Variants in SEMA3E observed in about 807,000 individuals in gnomAD.
The protein encoded by SEMA3E is semaphorin-3E.
SEMA3E carries 49 observed loss-of-function variants against 93.6 expected under a neutral mutation model. The observed-to-expected ratio is 0.52, with a 90% CI of 0.42 to 0.66. The LOEUF is 0.66. Among genes scored for constraint, SEMA3E ranks in the 30% least tolerant of loss-of-function variants. The pLI is 0.00. For missense variants in SEMA3E, 906 were observed against 964.8 expected, an observed-to-expected ratio of 0.94 and a Z score of 0.81; for synonymous variants, 363 against 330.7, an observed-to-expected ratio of 1.10 and a Z score of -1.06.
At chr7:83,431,883 A>C (rs559091441) in intron 4 of SEMA3E, among the ~76,000 whole-genome samples, 299 of 152,182 alleles carry the variant, frequency 2.0e-3, no homozygotes, top group African/African-American at 6.9e-3. Context: ...CTATAACAAC[A>C]AGGTCTTTTA....
At chr7:83,487,058 A>T (rs1303216169) in intron 2 of SEMA3E, among the ~76,000 whole-genome samples, 2 of 152,016 alleles carry the variant, frequency 1.3e-5, no homozygotes, top group African/African-American at 4.8e-5. Flanking sequence ...CGGGTCTCCT[A>T]CCCTTATATA....
chr7:83,458,286 T>C (rs143409683), intron 4 of SEMA3E, among the ~76,000 whole-genome samples: 213 of 151,720 alleles, frequency 1.4e-3, no homozygotes, highest in African/African-American at 5.0e-3. Flanking sequence ...CTAATGATAA[T>C]GCATCTTACA....
chr7:83,471,137 T>G (rs2713185), intron 2 of SEMA3E, among the ~76,000 whole-genome samples: 103,254 of 151,628 alleles, frequency 0.68, 36,805 homozygotes, highest in Non-Finnish European at 0.79. Flanking sequence ...AAGATGCTAT[T>G]TGTTAAGAGG....
intron 2 of SEMA3E, among the ~76,000 whole-genome samples, chr7:83,481,361 A>T (rs1790142332): frequency 6.6e-6 from 1 of 152,120 alleles, no homozygotes; most frequent in South Asian, 2.1e-4. Flanking sequence ...TAGAGAAAGC[A>T]AAATAAATAA....
At chr7:83,444,393 G>A (rs1789182002) in intron 4 of SEMA3E, among the ~76,000 whole-genome samples, 1 of 152,142 alleles carries the variant, frequency 6.6e-6, no homozygotes, top group East Asian at 1.9e-4. Flanking sequence ...CAACCTGAAT[G>A]TGTAGAGTTT....
At chr7:83,510,719 T>A (rs1279456222) in intron 1 of SEMA3E, among the ~76,000 whole-genome samples, 2 of 152,212 alleles carry the variant, frequency 1.3e-5, no homozygotes, top group African/African-American at 4.8e-5. Flanking sequence ...ACTCTATTTA[T>A]TAAAACCACA....
intron 1 of SEMA3E, among the ~76,000 whole-genome samples, chr7:83,524,898 G>A (rs941243534): frequency 6.6e-6 from 1 of 151,800 alleles, no homozygotes; most frequent in African/African-American, 2.4e-5. Context: ...CTCTGTTGGT[G>A]CAGCTCTCAT....
chr7:83,522,666 G>A (rs1791072626), intron 1 of SEMA3E, among the ~76,000 whole-genome samples: 1 of 152,062 alleles, frequency 6.6e-6, no homozygotes. Context: ...CAGCATGTGA[G>A]ATAAGATCCA....
intron 9 of SEMA3E, among the ~76,000 whole-genome samples, chr7:83,403,820 A>G (rs1304007767): frequency 6.6e-6 from 1 of 151,896 alleles, no homozygotes; most frequent in African/African-American, 2.4e-5. Context: ...ATAGTCTCCT[A>G]ACTAAAGTGG....
chr7:83,494,507 T>G (rs768158600), intron 1 of SEMA3E, among the ~76,000 whole-genome samples: 1 of 151,806 alleles, frequency 6.6e-6, no homozygotes, highest in Non-Finnish European at 1.5e-5. Context: ...AAAAGTCACT[T>G]TATGGCCTTA....
At chr7:83,540,876 T>C (rs951742793) in intron 1 of SEMA3E, among the ~76,000 whole-genome samples, 9 of 152,226 alleles carry the variant, frequency 5.9e-5, no homozygotes, top group African/African-American at 2.2e-4. Flanking sequence ...AATGACTTTG[T>C]TTTTATGTAG....
chr7:83,385,493 T>G (rs1787860043), intron 15 of SEMA3E, 60 bp from the exon 16 acceptor site: 4 of 1,531,404 alleles, frequency 2.6e-6, no homozygotes, highest in Non-Finnish European at 3.6e-6. Context: ...AATAAATTTT[T>G]CAAACATTAT....
chr7:83,400,111 T>A lies in SEMA3E; in HGVS notation c.1283A>T (p.Asp428Val). The change falls in exon 11 of 17, where the codon GAT becomes GTT. Residue 428 changes from aspartate to valine, a missense_variant. Physicochemically the swap from Asp to Val is radical, Grantham distance 152. Coordinates refer to ENST00000643230, the MANE Select transcript of SEMA3E (RefSeq NM_012431.3). ...TATTTGTTTCAGGTTATATTTTCCA[T>A]CTGTTTTTACCAATATTGGTTTTTT... ...AHKKPILVKT[D>V]GKYNLKQIAV... The A allele has an allele frequency of 1.9e-6, 3 of 1,614,042 alleles. No individual in the cohort carries two copies. Among genetic ancestry groups the A allele is most frequent in the South Asian group, 2.2e-5 (2 of 91,078 alleles).
At chr7:83,368,207 C>CTG (rs777598620) in intron 16 of SEMA3E, among the ~76,000 whole-genome samples, 169 bp from the exon 17 acceptor site, 1,863 of 129,144 alleles carry the variant, frequency 0.014, 24 homozygotes, top group Non-Finnish European at 0.021. Flanking sequence ...CTCTCTCTCT[C>CTG]TCTGTGTGTG....
chr7:83,437,442 T>C (rs1333700210), intron 4 of SEMA3E, among the ~76,000 whole-genome samples: 5 of 152,152 alleles, frequency 3.3e-5, no homozygotes, highest in African/African-American at 1.2e-4. Flanking sequence ...ATTGATAAAT[T>C]TTATGACTTA....
intron 5 of SEMA3E, among the ~76,000 whole-genome samples, chr7:83,410,576 C>T (rs551416385): frequency 6.6e-6 from 1 of 152,138 alleles, no homozygotes; most frequent in South Asian, 2.1e-4. Flanking sequence ...TTAGTGCTGT[C>T]TTTCCCAGAA....
rs566154747 is a variant in SEMA3E, at chr7:83,370,546, C to T, written c.1876-2508G>A. ...TTATCTCATGACAAACTCTCCAAAT[C>T]TTCCCTTTTTTTCTGTTTCTTCTTT... On this transcript the variant is annotated intron_variant, in intron 16 of 16. Transcript: ENST00000643230. 1.5e-4 allele frequency among the ~76,000 whole-genome samples: 23 copies of T among 152,226 alleles called. No individual in the cohort carries two copies. In the South Asian group the frequency reaches 3.3e-3, roughly 22 times the overall value.
At chr7:83,608,221 G>GA (rs990466421) in intron 1 of SEMA3E, among the ~76,000 whole-genome samples, 33 of 149,586 alleles carry the variant, frequency 2.2e-4, no homozygotes, top group Admixed American at 8.0e-4. Flanking sequence ...TCAAAAAAAA[G>GA]AAAAAAAAAG....
chr7:83,484,747 T>C (rs543718868), intron 2 of SEMA3E, among the ~76,000 whole-genome samples: 2 of 152,346 alleles, frequency 1.3e-5, no homozygotes, highest in South Asian at 4.1e-4. Context: ...ATTTTATTTT[T>C]CCAGTGTATT....
Sources: allele counts gnomAD v4.1 joint callset (sites outside exome capture counted in the v4.1 genomes callset), GRCh38; gene constraint gnomAD v4.1.1; transcripts MANE v1.5; gene names NCBI Gene and HGNC (gene_info 2026-07-23, HGNC 2026-07-21).